The following ADK variants were observed in gnomAD, a reference collection of about 807,000 sequenced individuals.
ADK encodes adenosine kinase.
ADK carries 24 observed loss-of-function variants against 44.7 expected under a neutral mutation model. That is an observed-to-expected ratio of 0.54 (90% CI 0.39 to 0.76). The LOEUF is 0.76. Among genes scored for constraint, ADK ranks in the 30% least tolerant of loss-of-function variants. The pLI is 0.00. For missense variants in ADK, 321 were observed against 425.1 expected, an observed-to-expected ratio of 0.76 and a Z score of 2.15; for synonymous variants, 128 against 142.6, an observed-to-expected ratio of 0.90 and a Z score of 0.73.
chr10:74,206,459 G>A (rs1308409339), intron 2 of ADK, among the ~76,000 whole-genome samples: 3 of 152,170 alleles, frequency 2.0e-5, no homozygotes, highest in Non-Finnish European at 4.4e-5. Context: ...AGTAGCTACT[G>A]GATAAAACTG....
In ADK at chr10:74,621,929, T is replaced by C. The variant is rs147328377; in HGVS notation, c.877+21436T>C. Among the ~76,000 whole-genome samples the C allele has an allele frequency of 4.6e-3, 700 of 152,250 alleles. 3 individuals carry two copies. The highest frequency in any genetic ancestry group is 0.015 in the African/African-American group (621 of 41,538). ...GAATCTCAGCTGAAATCCTGGTGTT[T>C]TTATGAGATCCCTACTCATTAATGG... On this transcript the variant is annotated intron_variant, in intron 9 of 10. Transcript: ENST00000539909.
intron 6 of ADK, among the ~76,000 whole-genome samples, chr10:74,438,744 T>A (rs1592215019): frequency 1.3e-5 from 2 of 152,224 alleles, no homozygotes; most frequent in South Asian, 4.1e-4. Flanking sequence ...CTTTACCCCC[T>A]CTTTTTAGGT....
chr10:74,541,602 C>G (rs1456178378), intron 7 of ADK, among the ~76,000 whole-genome samples: 32 of 152,020 alleles, frequency 2.1e-4, no homozygotes, highest in Admixed American at 2.1e-3. Flanking sequence ...ATAGAAACAG[C>G]CTGGGCAACA....
chr10:74,252,984 T>C (rs189216284), intron 3 of ADK, among the ~76,000 whole-genome samples: 42 of 152,328 alleles, frequency 2.8e-4, no homozygotes, highest in African/African-American at 9.1e-4. Flanking sequence ...TGTGTCCAGT[T>C]ATTTTGTAGG....
At position 74,203,757 on chromosome 10, in the gene ADK, GATT is replaced by G. The variant is rs141988599; in HGVS notation, c.140+2939_140+2941del. Among the ~76,000 whole-genome samples the G allele has an allele frequency of 3.4e-3, 501 of 149,004 alleles. 3 individuals are homozygous for G. The highest frequency in any genetic ancestry group is 0.012 in the African/African-American group (467 of 40,530). ...TCAGTCCTCCAACTTTGTTTTTCAA[GATT>G]ATTATTATTATTATTATTAATTTTT... is the stretch of plus-strand genomic sequence containing the variant. On this transcript the variant is annotated intron_variant, in intron 2 of 10. Transcript: ENST00000539909.
chr10:74,394,213 C>G lies in ADK; in HGVS notation c.346C>G (p.Leu116Val), dbSNP rs769185684. 2 of 1,613,980 alleles carry G rather than the reference C, an allele frequency of 1.2e-6. No homozygotes were observed. The highest frequency in any genetic ancestry group is 4.5e-5 in the East Asian group (2 of 44,862). ...CIGIDKFGEI[L>V]KRKAAEAHVD... ...TGGGATAGATAAATTTGGGGAGATC[C>G]TGAAGAGAAAAGCTGCTGAAGCCCA... Residue 116 changes from leucine to valine, a missense_variant, in exon 5 of 11, where the codon CTG becomes GTG. By Grantham distance (32) the Leu-to-Val change is conservative. Coordinates refer to ENST00000539909, the MANE Select transcript of ADK (RefSeq NM_006721.4).
At chr10:74,201,700 C>T (rs970652003) in intron 2 of ADK, among the ~76,000 whole-genome samples, 2 of 145,408 alleles carry the variant, frequency 1.4e-5, no homozygotes, top group Non-Finnish European at 3.0e-5. Context: ...ATCTATCTAT[C>T]TATCTATCTA....
At chr10:74,688,246 C>A (rs888443800) in intron 10 of ADK, among the ~76,000 whole-genome samples, 13 of 152,154 alleles carry the variant, frequency 8.5e-5, no homozygotes, top group Non-Finnish European at 2.9e-5. Context: ...TCTCCTGTTA[C>A]TCAGTTCTTT....
chr10:74,618,081 T>A (rs938683590), intron 9 of ADK, among the ~76,000 whole-genome samples: 2 of 147,956 alleles, frequency 1.4e-5, no homozygotes, highest in Non-Finnish European at 3.0e-5. Context: ...ATTCCTTTAT[T>A]TTCAACCTTT....
At chr10:74,457,809 T>A (rs531322237) in intron 6 of ADK, among the ~76,000 whole-genome samples, 2 of 151,986 alleles carry the variant, frequency 1.3e-5, no homozygotes, top group East Asian at 3.9e-4. Context: ...TAAGTGGGGG[T>A]TGAACAATGA....
chr10:74,217,858 A>G (rs987266509), intron 2 of ADK, among the ~76,000 whole-genome samples: 1 of 151,854 alleles, frequency 6.6e-6, no homozygotes, highest in Admixed American at 6.5e-5. Context: ...CATCCACACC[A>G]AAAACCCATC....
chr10:74,293,655 C>G (rs1396876805), intron 3 of ADK, among the ~76,000 whole-genome samples: 1 of 152,088 alleles, frequency 6.6e-6, no homozygotes, highest in Non-Finnish European at 1.5e-5. Flanking sequence ...TTACCTTACT[C>G]TGTGATTTAT....
intron 9 of ADK, among the ~76,000 whole-genome samples, chr10:74,602,041 G>C (rs1229036348): frequency 1.4e-5 from 2 of 145,062 alleles, no homozygotes; most frequent in African/African-American, 2.6e-5. Context: ...GAAGTTCGAG[G>C]CTGTGTTGAG....
intron 6 of ADK, among the ~76,000 whole-genome samples, chr10:74,407,296 A>G (rs1843978467): frequency 6.6e-6 from 1 of 152,182 alleles, no homozygotes; most frequent in African/African-American, 2.4e-5. Context: ...TAATTATTTC[A>G]TCTACAATGT....
chr10:74,163,541 T>A (rs1027109846), intron 1 of ADK, among the ~76,000 whole-genome samples: 2 of 152,224 alleles, frequency 1.3e-5, no homozygotes, highest in African/African-American at 4.8e-5. Context: ...TAACATAACA[T>A]ACTGTGAAAT....
intron 6 of ADK, among the ~76,000 whole-genome samples, chr10:74,431,575 C>T (rs1344723934): frequency 1.3e-5 from 2 of 152,046 alleles, no homozygotes; most frequent in Non-Finnish European, 2.9e-5. Context: ...ATCTTATCTC[C>T]ACTAAAACTA....
chr10:74,431,587 G>A (rs1592204565), intron 6 of ADK, among the ~76,000 whole-genome samples: 1 of 152,052 alleles, frequency 6.6e-6, no homozygotes, highest in Non-Finnish European at 1.5e-5. Context: ...CTAAAACTAC[G>A]AAAATTAGCC....
chr10:74,211,268 T>A (rs1411647622), intron 2 of ADK, among the ~76,000 whole-genome samples: 1 of 152,228 alleles, frequency 6.6e-6, no homozygotes, highest in Non-Finnish European at 1.5e-5. Context: ...GGTCTTTAAT[T>A]GACCTGAATA....
At chr10:74,213,264 T>G (rs1843888261) in intron 2 of ADK, among the ~76,000 whole-genome samples, 1 of 152,100 alleles carries the variant, frequency 6.6e-6, no homozygotes, top group African/African-American at 2.4e-5. Context: ...TGCCCTACCA[T>G]GCCCAGCTAA....
Sources: allele counts gnomAD v4.1 joint callset (sites outside exome capture counted in the v4.1 genomes callset), GRCh38; gene constraint gnomAD v4.1.1; transcripts MANE v1.5; gene names NCBI Gene and HGNC (gene_info 2026-07-23, HGNC 2026-07-21).